The following WWP1 variants were observed in gnomAD, a reference collection of about 807,000 sequenced individuals.
WWP1 encodes the protein WW domain containing E3 ubiquitin protein ligase 1, also known as NEDD4-like E3 ubiquitin-protein ligase WWP1.
Under a neutral mutation model 130.6 loss-of-function variants are expected in WWP1, and 49 were observed. The observed-to-expected ratio is 0.38, with a 90% CI of 0.30 to 0.48. The LOEUF (loss-of-function observed/expected upper bound fraction) is 0.48. WWP1 is among the 20% of genes least tolerant of loss of function. WWP1 has a pLI of 0.99. For missense variants in WWP1, 809 were observed against 1,100.6 expected (o/e 0.74, Z 3.75); for synonymous variants, 332 against 367.8 (o/e 0.90, Z 1.11).
At chr8:86,367,632 G>A (rs566768934) in intron 1 of WWP1, among the ~76,000 whole-genome samples, 1 of 152,280 alleles carries the variant, frequency 6.6e-6, no homozygotes, top group Admixed American at 6.5e-5. Flanking sequence ...AATCAGCTTA[G>A]ATATTACTGA....
At chr8:86,374,618 G>T (rs1824525538) in intron 3 of WWP1, among the ~76,000 whole-genome samples, 1 of 152,134 alleles carries the variant, frequency 6.6e-6, no homozygotes, top group Non-Finnish European at 1.5e-5. Flanking sequence ...AGTTCATGCT[G>T]ATATTTCCAA....
At chr8:86,345,595 A>G (rs1822530201) in intron 1 of WWP1, among the ~76,000 whole-genome samples, 1 of 151,070 alleles carries the variant, frequency 6.6e-6, no homozygotes, top group African/African-American at 2.4e-5. Flanking sequence ...TTTTTTTTTT[A>G]GAGATGGGGT....
chr8:86,381,514 G>T lies in WWP1; in HGVS notation c.219G>T (p.Thr73=), dbSNP rs559093201. The T allele has an allele frequency of 3.1e-6, 5 of 1,603,008 alleles. No homozygotes were observed. Among genetic ancestry groups the T allele is most frequent in the Non-Finnish European group, 4.2e-6 (5 of 1,177,394 alleles). The change falls in exon 5 of 25, where the codon ACG becomes ACT. Residue 73 remains threonine (T), a synonymous_variant. Transcript: ENST00000517970. ...KWDEQLTVNV[T]PQTTLEFQVW... Reference sequence around the variant, plus strand: ...AATTTTACCCTTCCAGAAATGTTACGCCACAGACTACATTGGAATTTCAAG... The same window carrying T: ...AATTTTACCCTTCCAGAAATGTTACTCCACAGACTACATTGGAATTTCAAG...
intron 3 of WWP1, among the ~76,000 whole-genome samples, chr8:86,376,607 C>T (rs1227708295): frequency 6.6e-6 from 1 of 151,858 alleles, no homozygotes; most frequent in Non-Finnish European, 1.5e-5. Flanking sequence ...AAAGAAAAAC[C>T]TGATCTGGCT....
Position 86,374,205 on chromosome 8 carries a change from A to T in WWP1, c.70+85A>T. The T allele has an allele frequency of 4.3e-6, 5 of 1,168,826 alleles. No homozygotes were observed. The South Asian group carries it at 4.3e-5, about 10-fold the overall frequency. The allele number at this position is 1,168,826 out of a possible 1,614,324, so 72.4% of individuals were successfully genotyped here. On this transcript the variant is annotated intron_variant, in intron 3 of 24. Coordinates refer to ENST00000517970, the MANE Select transcript of WWP1 (RefSeq NM_007013.4). Reference sequence around the variant, plus strand: ...AATTCAGCAGACTTATTCCAGAAATAGAATTTCTTTTAGATTCATACTATG... The same window carrying T: ...AATTCAGCAGACTTATTCCAGAAATTGAATTTCTTTTAGATTCATACTATG...
intron 1 of WWP1, among the ~76,000 whole-genome samples, chr8:86,364,978 G>C (rs928581863): frequency 2.6e-5 from 4 of 152,056 alleles, no homozygotes; most frequent in Non-Finnish European, 5.9e-5. Flanking sequence ...TAGGAAGAGA[G>C]TGCATTTATG....
intron 3 of WWP1, among the ~76,000 whole-genome samples, chr8:86,380,036 G>A (rs1322495074): frequency 2.6e-5 from 4 of 152,068 alleles, no homozygotes; most frequent in African/African-American, 4.8e-5. Flanking sequence ...GAAAACATAC[G>A]TCCACAAAAA....
chr8:86,433,881 G>T (rs957876578), intron 14 of WWP1, among the ~76,000 whole-genome samples: 1 of 151,700 alleles, frequency 6.6e-6, no homozygotes, highest in African/African-American at 2.4e-5. Context: ...TTGCACCATT[G>T]CACTCCAGCC....
In WWP1 at chr8:86,402,067, C is replaced by T. The variant is rs1359179319; in HGVS notation, c.588C>T (p.Ser196=). ...GAATAGATAATCATGTACCTACAAG[C>T]ACTCTAGTCCAAAACTCATGCTGCT... is the stretch of plus-strand genomic sequence containing the variant. ...TNGIDNHVPT[S]TLVQNSCCSY... The change falls in exon 8 of 25, where the codon AGC becomes AGT. Residue 196 remains serine, a synonymous_variant. Coordinates refer to ENST00000517970, the MANE Select transcript of WWP1 (RefSeq NM_007013.4). 3.7e-6 allele frequency: 6 copies of T among 1,613,082 alleles called. No individual in the cohort carries two copies. In the South Asian group the frequency reaches 4.4e-5, roughly 12 times the overall value.
chr8:86,409,226 CTTTTTTTTTTTTT>C (rs1230976832), intron 8 of WWP1, among the ~76,000 whole-genome samples: 1 of 100,522 alleles, frequency 9.9e-6, no homozygotes, highest in Non-Finnish European at 2.0e-5. Context: ...CTTTTTCTTT[CTTTTTTTTTTTTT>C]TTTTTTTTTC....
Position 86,435,536 on chromosome 8 carries a change from G to T in WWP1, c.1677+9G>T. The T allele has an allele frequency of 6.2e-7, 1 of 1,614,066 alleles. No homozygotes were observed. The highest frequency in any genetic ancestry group is 8.5e-7 in the Non-Finnish European group (1 of 1,179,968). On this transcript the variant is annotated intron_variant, in intron 15 of 24. Coordinates refer to ENST00000517970, the MANE Select transcript of WWP1 (RefSeq NM_007013.4). ...TCCGTTATTTGTGCCAGGTACTATA[G>T]TGGTAAATAAATCTTATACTCAATA...
intron 4 of WWP1, among the ~76,000 whole-genome samples, chr8:86,381,112 T>C (rs1215197701): frequency 6.6e-6 from 1 of 152,090 alleles, no homozygotes. Context: ...CAGAAATAAA[T>C]AGGACTGCAA....
At chr8:86,445,537 C>A (rs1184388010) in intron 18 of WWP1, among the ~76,000 whole-genome samples, 1 of 152,162 alleles carries the variant, frequency 6.6e-6, no homozygotes, top group African/African-American at 2.4e-5. Flanking sequence ...AATAGTATTT[C>A]ATGGTGCTTA....
chr8:86,461,198 T>G, intron 22 of WWP1, 26 bp from the exon 23 acceptor site: 1 of 1,579,986 alleles, frequency 6.3e-7, no homozygotes, highest in Non-Finnish European at 8.7e-7. Flanking sequence ...GCATTTCATA[T>G]TAAAGTACAT....
intron 1 of WWP1, among the ~76,000 whole-genome samples, chr8:86,359,442 T>A (rs1474957721): frequency 6.6e-6 from 1 of 152,142 alleles, no homozygotes; most frequent in Non-Finnish European, 1.5e-5. Flanking sequence ...ATTCCTTACC[T>A]TAGTCACATA....
chr8:86,351,288 A>G (rs1342978396), intron 1 of WWP1, among the ~76,000 whole-genome samples: 1 of 152,210 alleles, frequency 6.6e-6, no homozygotes, highest in Non-Finnish European at 1.5e-5. Context: ...TCTCAAAGAC[A>G]GTTCTAGCTT....
At chr8:86,424,172 A>C (rs1809439148) in intron 9 of WWP1, among the ~76,000 whole-genome samples, 1 of 134,080 alleles carries the variant, frequency 7.5e-6, no homozygotes, top group African/African-American at 2.9e-5. Context: ...AGACTGGGTC[A>C]CGGCTCGGCA....
chr8:86,372,085 G>A (rs1426164061), intron 2 of WWP1, among the ~76,000 whole-genome samples: 4 of 142,220 alleles, frequency 2.8e-5, no homozygotes, highest in Non-Finnish European at 6.1e-5. Flanking sequence ...GTGCAGTGGC[G>A]CGATCTCGAC....
intron 3 of WWP1, among the ~76,000 whole-genome samples, chr8:86,380,467 G>A (rs979180104): frequency 1.3e-5 from 2 of 150,806 alleles, no homozygotes; most frequent in African/African-American, 5.0e-5. Flanking sequence ...GTGCCACTCT[G>A]AATATAGTGA....
Sources: allele counts gnomAD v4.1 joint callset (sites outside exome capture counted in the v4.1 genomes callset), GRCh38; gene constraint gnomAD v4.1.1; transcripts MANE v1.5; gene names NCBI Gene and HGNC (gene_info 2026-07-23, HGNC 2026-07-21).